C21orf58: variants seen among roughly 807,000 people sequenced by gnomAD.
C21orf58 encodes uncharacterized protein C21orf58.
C21orf58 carries 34 observed loss-of-function variants against 35.8 expected under a neutral mutation model. The ratio of observed to expected loss-of-function variants is 0.95; its 90% CI spans 0.72 to 1.26. The LOEUF is 1.26. Ranked by LOEUF, C21orf58 falls within the 50% of genes most tolerant of loss-of-function variation. The pLI, the probability that C21orf58 is intolerant of heterozygous loss-of-function variation, is 0.00. For synonymous variants in C21orf58, 191 were observed against 175.8 expected (o/e 1.09, Z -0.68); for missense variants, 440 against 414.3 (o/e 1.06, Z -0.54).
chr21:46,304,027 T>G (rs1234346871), intron 6 of C21orf58, among the ~76,000 whole-genome samples: 2 of 108,898 alleles, frequency 1.8e-5, no homozygotes, highest in South Asian at 3.5e-4. Flanking sequence ...CTGGTTTTTT[T>G]TTTTTTTTTT....
Position 46,302,072 on chromosome 21 carries a change from T to TGGTGGTGGTGG in C21orf58, c.885_895dup (p.His299ProfsTer104). 1 of 1,237,840 alleles carries TGGTGGTGGTGG rather than the reference T, an allele frequency of 8.1e-7. No individual in the cohort carries two copies. Among genetic ancestry groups the TGGTGGTGGTGG allele is most frequent in the Non-Finnish European group, 1.1e-6 (1 of 927,192 alleles). 76.7% of individuals were successfully genotyped at this position (1,237,840 alleles called of 1,614,324 possible). ...GGCAGCCCCAGGTGGCCACACAGCA[T>TGGTGGTGGTGG]GGTGGTGGTGGTGGTGGTGGTGCAC... On this transcript the variant is annotated frameshift_variant, in exon 8 of 8. Transcript: ENST00000291691. LOFTEE classifies it low-confidence loss of function (END_TRUNC).
rs370852965 is a variant in C21orf58, at chr21:46,311,476, C to T, written c.701G>A (p.Arg234Gln). ...CTTACCTTCCTTAATACTTCCTGAC[C>T]GTTGAGTAGGGAAGGCCTGGGGAGG... is the stretch of plus-strand genomic sequence containing the variant. ...IPPPQAFPTQ[R>Q]SGSIKEDMVE... The change falls in exon 6 of 8, where the codon CGG (arginine) becomes CAG (glutamine). Residue 234 changes from arginine (R) to glutamine (Q), a missense_variant. Physicochemically the swap from Arg to Gln is conservative, Grantham distance 43. Coordinates refer to ENST00000291691, the MANE Select transcript of C21orf58 (RefSeq NM_058180.5). 1.3e-4 allele frequency: 204 copies of T among 1,602,134 alleles called. No individual in the cohort carries two copies. The highest frequency in any genetic ancestry group is 1.6e-4 in the Middle Eastern group (1 of 6,068).
chr21:46,322,376 TTC>T (rs1202924735), intron 1 of C21orf58: 1 of 919,338 alleles, frequency 1.1e-6, no homozygotes, highest in African/African-American at 1.8e-5. Context: ...GACTCTGGGG[TTC>T]TGAGGAACAC....
intron 3 of C21orf58, among the ~76,000 whole-genome samples, chr21:46,316,134 G>C (rs769704793): frequency 3.9e-5 from 6 of 151,962 alleles, no homozygotes; most frequent in Non-Finnish European, 8.8e-5. Context: ...GGGCAACAGA[G>C]CGAGACCAAC....
At chr21:46,308,045 G>C (rs772330805) in intron 6 of C21orf58, among the ~76,000 whole-genome samples, 2 of 151,962 alleles carry the variant, frequency 1.3e-5, no homozygotes, top group Non-Finnish European at 2.9e-5. Context: ...CCAGGCTGGA[G>C]TACAAAGGCA....
rs1471129348 is a variant in C21orf58, at chr21:46,322,717, C to T, written c.22G>A (p.Ala8Thr). The change falls in exon 1 of 8, where the codon GCA becomes ACA. Residue 8 changes from alanine (A) to threonine (T), a missense_variant. By Grantham distance (58) the Ala-to-Thr change is moderately conservative. Coordinates refer to ENST00000291691, the MANE Select transcript of C21orf58 (RefSeq NM_058180.5). ...TTCCACGGCTTCCTGAGGGAGGTTGCAGGGAGCCGAGATCGCGCCATTGCG... is the reference window on the plus strand; with the variant it reads ...TTCCACGGCTTCCTGAGGGAGGTTGTAGGGAGCCGAGATCGCGCCATTGCG... Reference protein sequence around the residue: MARSRLPATSLRKPWKLD... With the variant: MARSRLPTTSLRKPWKLD... The T allele has an allele frequency of 1.3e-6, 2 of 1,554,058 alleles. No homozygotes were observed. The highest frequency in any genetic ancestry group is 1.4e-5 in the African/African-American group (1 of 73,086).
intron 1 of C21orf58, chr21:46,318,717 G>A (rs889380867): frequency 2.0e-6 from 2 of 1,014,740 alleles, no homozygotes; most frequent in Admixed American, 5.3e-5. Context: ...GACAGAGGAG[G>A]GGTTGTGACC....
intron 6 of C21orf58, among the ~76,000 whole-genome samples, chr21:46,305,299 T>G (rs991643037): frequency 1.6e-5 from 2 of 128,328 alleles, no homozygotes; most frequent in African/African-American, 3.0e-5. Flanking sequence ...AGTTACATGG[T>G]TTTTTTTTTT....
intron 6 of C21orf58, among the ~76,000 whole-genome samples, chr21:46,303,729 ATATATATATATATATATTTTTTT>A (rs2082253955): frequency 3.7e-5 from 1 of 27,182 alleles, no homozygotes; most frequent in African/African-American, 1.8e-4. Context: ...ATATATATAT[ATATATATATATATATATTTTTTT>A]TTTTTTTTTT....
downstream of C21orf58, chr21:46,300,873 T>G: frequency 9.1e-7 from 1 of 1,095,986 alleles, no homozygotes; most frequent in Non-Finnish European, 1.2e-6. Flanking sequence ...GAAACATAAT[T>G]GCACCCAAAA....
chr21:46,318,822 C>G lies in C21orf58; in HGVS notation c.101-602G>C, dbSNP rs992780084. Reference sequence around the variant, plus strand: ...GGCACTGGGCAGGGAGTCAAGTTTGCAGGAAGCTTCGCAGAGGGTGACGCA... The same window carrying G: ...GGCACTGGGCAGGGAGTCAAGTTTGGAGGAAGCTTCGCAGAGGGTGACGCA... On this transcript the variant is annotated intron_variant, in intron 1 of 7. Transcript: ENST00000291691. 3.1e-5 allele frequency: 31 copies of G among 987,268 alleles called. No homozygotes were observed. In the African/African-American group the frequency reaches 4.7e-4, roughly 15 times the overall value. 61.2% of individuals were successfully genotyped at this position (987,268 alleles called of 1,614,324 possible). A position where few individuals can be genotyped will look rare whatever the true frequency, so the allele number is the denominator to read the frequency against.
intron 1 of C21orf58, among the ~76,000 whole-genome samples, chr21:46,319,770 G>A (rs746209950): frequency 2.0e-5 from 3 of 151,946 alleles, no homozygotes; most frequent in Non-Finnish European, 4.4e-5. Context: ...CGTGGTAGGC[G>A]CCTGTAATCC....
Position 46,314,863 on chromosome 21 carries a change from G to A in C21orf58, c.462C>T (p.Asp154=), listed in dbSNP as rs56036022. ...TCCAGGCCTGGGCCCGAGAGAGCTC[G>A]TCCAGGAGGTGTTGTTCCTGCAAGG... The part of the protein sequence containing the change: ...LQRLREQHLL[D]ELSRAQAWSG... The change falls in exon 5 of 8, where the codon GAC becomes GAT. Residue 154 remains aspartate (D), a synonymous_variant. Transcript: ENST00000291691. The A allele has an allele frequency of 6.4e-3, 9,966 of 1,550,432 alleles. 492 individuals are homozygous for A. In the African/African-American group the frequency reaches 0.11, roughly 18 times the overall value.
At position 46,317,932 on chromosome 21, in the gene C21orf58, G is replaced by T. The variant is rs185617176; in HGVS notation, c.309+80C>A. ...CCTTGGGGCCCTGCATTCTGCACCTGCAGGGCTGTCTCGAAGAGTCCCTCC... is the reference window on the plus strand; with the variant it reads ...CCTTGGGGCCCTGCATTCTGCACCTTCAGGGCTGTCTCGAAGAGTCCCTCC... On this transcript the variant is annotated intron_variant, in intron 2 of 7. Transcript: ENST00000291691. The T allele has an allele frequency of 6.9e-4, 1,029 of 1,492,850 alleles. 8 individuals carry two copies. In the African/African-American group the frequency reaches 0.01, roughly 15 times the overall value. 92.5% of individuals were successfully genotyped at this position (1,492,850 alleles called of 1,614,324 possible). A position where few individuals can be genotyped will look rare whatever the true frequency, so the allele number is the denominator to read the frequency against.
At chr21:46,312,094 AC>A (rs2082755283) in intron 5 of C21orf58, among the ~76,000 whole-genome samples, 1 of 151,954 alleles carries the variant, frequency 6.6e-6, no homozygotes, top group South Asian at 2.1e-4. Context: ...CATCCATCCA[AC>A]CAGCCAACCA....
At chr21:46,320,213 C>T (rs1461473793) in intron 1 of C21orf58, among the ~76,000 whole-genome samples, 1 of 151,968 alleles carries the variant, frequency 6.6e-6, no homozygotes, top group African/African-American at 2.4e-5. Flanking sequence ...AGTGATTCTC[C>T]TGCCTCAGCC....
Position 46,314,373 on chromosome 21 carries a change from C to T in C21orf58, c.609+343G>A, listed in dbSNP as rs150548520. Among the ~76,000 whole-genome samples the T allele has an allele frequency of 1.5e-3, 234 of 152,292 alleles. 3 individuals are homozygous for T. The highest frequency in any genetic ancestry group is 0.01 in the Middle Eastern group (3 of 294). On this transcript the variant is annotated intron_variant, in intron 5 of 7. Coordinates refer to ENST00000291691, the MANE Select transcript of C21orf58 (RefSeq NM_058180.5). ...GAGTAGAGATGTGAGCCACCGCACC[C>T]GGCCAGTGATAAAGTTCTGAGGAGT...
chr21:46,322,524 C>G lies in C21orf58; in HGVS notation c.100+115G>C, dbSNP rs1401118316. The G allele has an allele frequency of 1.5e-5, 19 of 1,307,458 alleles. No individual in the cohort carries two copies. In the Admixed American group the frequency reaches 2.7e-4, roughly 18 times the overall value. 81.0% of individuals were successfully genotyped at this position (1,307,458 alleles called of 1,614,324 possible). A position where few individuals can be genotyped will look rare whatever the true frequency, so the allele number is the denominator to read the frequency against. ...TGATCCTGTGGGTGCAGCCCCTGCT[C>G]GCTTGGCTGTGTTGCCTGCCTGGCC... On this transcript the variant is annotated intron_variant, in intron 1 of 7. Transcript: ENST00000291691.
chr21:46,318,022 A>G lies in C21orf58; in HGVS notation c.299T>C (p.Leu100Pro), dbSNP rs1447180098. The G allele has an allele frequency of 5.6e-6, 9 of 1,613,222 alleles. No individual in the cohort carries two copies. In the Admixed American group the frequency reaches 1.0e-4, roughly 18 times the overall value. The part of the protein sequence containing the change: ...AEQVTRLTLK[L>P]LGQKLEQERQ... ...CGGGCTCTGCCTCACCTGTCCCAAG[A>G]GCTTCAGCGTCAGTCGGGTCACTTG... The change falls in exon 2 of 8, where the codon CTC becomes CCC. Residue 100 changes from leucine to proline, a missense_variant. Transcript: ENST00000291691.
Sources: gnomAD v4.1 joint callset for allele counts (sites outside exome capture counted in the v4.1 genomes callset) on GRCh38, gnomAD v4.1.1 for gene constraint, MANE v1.5 for transcripts, NCBI Gene and HGNC (gene_info 2026-07-23, HGNC 2026-07-21) for gene names.